Variants in ABHD10 observed in about 807,000 individuals in gnomAD.
ABHD10 encodes the protein palmitoyl-protein thioesterase ABHD10, mitochondrial.
In ABHD10, 22 loss-of-function variants were observed where a neutral mutation model predicts 33.1. That is an observed-to-expected ratio of 0.66 (90% CI 0.47 to 0.95). The LOEUF (loss-of-function observed/expected upper bound fraction) is 0.95, where lower values mean the gene tolerates loss of function less well. ABHD10 is among the 40% of genes least tolerant of loss of function. ABHD10 has a pLI of 0.00. For synonymous variants in ABHD10, 146 were observed against 133.9 expected (o/e 1.09, Z -0.62); for missense variants, 352 against 379.9 (o/e 0.93, Z 0.61).
In ABHD10 at chr3:111,988,152, T is replaced by C. The variant is rs574021426; in HGVS notation, c.576+1101T>C. On this transcript the variant is annotated intron_variant, in intron 4 of 4. Transcript: ENST00000273359. ...TGCAGTGTTGAATAGTAGAATGTCA[T>C]TGATTTGCCTCAAGTTCTGCATTAA... Among the ~76,000 whole-genome samples, 11 of 152,332 alleles carry C rather than the reference T, an allele frequency of 7.2e-5. No individual in the cohort carries two copies. In the East Asian group the frequency reaches 2.1e-3, roughly 29 times the overall value.
In ABHD10 at chr3:111,992,748, A is replaced by T. The variant is rs747435700; in HGVS notation, c.*1027A>T. ...TGACTCATATATATACATGTGTATA[A>T]GATGAGCATGTGTCGAAGACTTATT... On this transcript the variant is annotated 3_prime_UTR_variant, in exon 5 of 5. Transcript: ENST00000273359. 4 of 152,220 alleles carry T rather than the reference A, an allele frequency of 2.6e-5. No homozygotes were observed. The highest frequency in any genetic ancestry group is 2.9e-5 in the Non-Finnish European group (2 of 68,038). 9.4% of individuals were successfully genotyped at this position (152,220 alleles called of 1,614,324 possible).
chr3:111,989,332 A>T (rs2072713040), intron 4 of ABHD10, among the ~76,000 whole-genome samples: 1 of 152,202 alleles, frequency 6.6e-6, no homozygotes, highest in South Asian at 2.1e-4. Flanking sequence ...CATTGCCTTG[A>T]TAAGTTTTGT....
Position 111,991,390 on chromosome 3 carries a change from T to C in ABHD10, c.590T>C (p.Val197Ala), listed in dbSNP as rs1217738394. ...NQLPVELKKE[V>A]EMKGVWSMPS... ...TTTTTCCAATAGCTAAAAAAGGAAG[T>C]AGAGATGAAAGGTGTGTGGAGCATG... Residue 197 changes from valine to alanine, a missense_variant, in exon 5 of 5, where the codon GTA (valine) becomes GCA (alanine). By Grantham distance (64) the Val-to-Ala change is moderately conservative (BLOSUM62 0). Transcript: ENST00000273359. The C allele has an allele frequency of 1.9e-6, 3 of 1,600,410 alleles. No individual in the cohort carries two copies. The highest frequency in any genetic ancestry group is 1.1e-5 in the South Asian group (1 of 87,556).
In ABHD10 at chr3:111,979,035, C is replaced by T. The variant is rs1244985029; in HGVS notation, c.-27C>T. The T allele has an allele frequency of 1.2e-6, 2 of 1,606,422 alleles. No homozygotes were observed. Among genetic ancestry groups the T allele is most frequent in the African/African-American group, 2.7e-5 (2 of 74,852 alleles). Reference sequence around the variant, plus strand: ...GCGTAGCGTGTCCCTCAGTGGGACACTGCAGGGTGCGGGGACAACTACGAA... The same window carrying T: ...GCGTAGCGTGTCCCTCAGTGGGACATTGCAGGGTGCGGGGACAACTACGAA... On this transcript the variant is annotated 5_prime_UTR_variant, in exon 1 of 5. Transcript: ENST00000273359.
At chr3:111,984,645 C>CA (rs1218282666) in intron 2 of ABHD10, among the ~76,000 whole-genome samples, 1 of 151,644 alleles carries the variant, frequency 6.6e-6, no homozygotes, top group Non-Finnish European at 1.5e-5. Context: ...TATAATGGTT[C>CA]AAAAAAACAG....
chr3:111,991,072 A>G (rs17428962), intron 4 of ABHD10, among the ~76,000 whole-genome samples: 1,980 of 152,318 alleles, frequency 0.013, 15 homozygotes, highest in Middle Eastern at 0.037. Flanking sequence ...AGTCTTAGCC[A>G]TAACAGTTAG....
In ABHD10 at chr3:111,979,323, C is replaced by G. The variant is rs61321652; in HGVS notation, c.142+120C>G. The stretch of plus-strand genomic sequence containing the variant: ...TTCAAAAATGCTCCTCCCCCTTTCT[C>G]AACACCCCAGTTCTAGGCGCTTTGT... On this transcript the variant is annotated intron_variant, in intron 1 of 4. Transcript: ENST00000273359. 1,132 of 1,203,900 alleles carry G rather than the reference C, an allele frequency of 9.4e-4. 18 individuals are homozygous for G. In the East Asian group the frequency reaches 0.028, roughly 30 times the overall value. The allele number at this position is 1,203,900 out of a possible 1,614,324, so 74.6% of individuals were successfully genotyped here.
rs76665874 is a variant in ABHD10 at position 111,984,287 on chromosome 3, G to T, written c.327-1977G>T. On this transcript the variant is annotated intron_variant, in intron 2 of 4. Coordinates refer to ENST00000273359, the MANE Select transcript of ABHD10 (RefSeq NM_018394.4). ...AAAATCGTTTCACTTCAAACCTAAA[G>T]AAAAATTTAATTTCTTCTCTCCCCT... Among the ~76,000 whole-genome samples the T allele has an allele frequency of 2.4e-3, 361 of 152,150 alleles. 2 individuals carry two copies. Among genetic ancestry groups the T allele is most frequent in the African/African-American group, 7.9e-3 (326 of 41,522 alleles).
intron 4 of ABHD10, 111 bp downstream of exon 4, chr3:111,987,162 C>T: frequency 1.6e-6 from 2 of 1,239,404 alleles, no homozygotes; most frequent in Non-Finnish European, 2.2e-6. Context: ...CTTTGACTTA[C>T]TGTGCTGGCC....
At chr3:111,983,815 A>G (rs1428092119) in intron 2 of ABHD10, among the ~76,000 whole-genome samples, 2 of 152,162 alleles carry the variant, frequency 1.3e-5, no homozygotes, top group African/African-American at 4.8e-5. Context: ...TTCTCTCATA[A>G]TTATTTGTAA....
At chr3:111,983,037 T>C (rs1242999772) in intron 2 of ABHD10, among the ~76,000 whole-genome samples, 2 of 152,146 alleles carry the variant, frequency 1.3e-5, no homozygotes, top group African/African-American at 4.8e-5. Flanking sequence ...TGCTGCATAA[T>C]AACAAAGAAT....
chr3:111,979,070 TGC>T lies in ABHD10; in HGVS notation c.14_15del (p.Arg5LeufsTer45). 6.2e-7 allele frequency: 1 copy of T among 1,613,136 alleles called. No individual in the cohort carries two copies. MAV[A>X]RLAAVAAWVP... ...CGGGGACAACTACGAAGATGGCGGT[TGC>T]GCGCTTGGCAGCTGTGGCGGCCTGG... On this transcript the variant is annotated frameshift_variant, in exon 1 of 5. Coordinates refer to ENST00000273359, the MANE Select transcript of ABHD10 (RefSeq NM_018394.4). LOFTEE classifies it high-confidence loss of function.
chr3:111,981,311 CAAAAAAAAAAAAA>C (rs11301143), intron 1 of ABHD10, among the ~76,000 whole-genome samples: 1 of 91,220 alleles, frequency 1.1e-5, no homozygotes, highest in Non-Finnish European at 2.1e-5. Flanking sequence ...GACCCTGTCT[CAAAAAAAAAAAAA>C]AAAAAAAAAG....
intron 4 of ABHD10, among the ~76,000 whole-genome samples, chr3:111,988,205 A>T (rs900523448): frequency 2.0e-5 from 3 of 152,232 alleles, no homozygotes; most frequent in Non-Finnish European, 4.4e-5. Flanking sequence ...AACTAAGTTC[A>T]TTCTTAGTTC....
intron 1 of ABHD10, among the ~76,000 whole-genome samples, chr3:111,980,221 AT>A (rs533677325): frequency 2.0e-5 from 3 of 152,066 alleles, no homozygotes; most frequent in South Asian, 4.1e-4. Context: ...GATAGTGAGA[AT>A]TTTTTTTAGT....
intron 4 of ABHD10, among the ~76,000 whole-genome samples, 181 bp downstream of exon 4, chr3:111,987,232 C>CAT (rs2072679795): frequency 6.6e-6 from 1 of 152,208 alleles, no homozygotes; most frequent in Admixed American, 6.5e-5. Context: ...AACTATTTGT[C>CAT]ATCTTGTTTA....
Position 111,981,919 on chromosome 3 carries a change from C to T in ABHD10, c.278C>T (p.Ala93Val), listed in dbSNP as rs372846601. The change falls in exon 2 of 5, where the codon GCG becomes GTG. Residue 93 changes from alanine (A) to valine (V), a missense_variant. Physicochemically the swap from Ala to Val is moderately conservative, Grantham distance 64 (BLOSUM62 0). Coordinates refer to ENST00000273359, the MANE Select transcript of ABHD10 (RefSeq NM_018394.4). Reference sequence around the variant, plus strand: ...CTTTCTTATATGAATGGTACAAAAGCGTTGGCGATTGAGGAGTTTTGCAAA... The same window carrying T: ...CTTTCTTATATGAATGGTACAAAAGTGTTGGCGATTGAGGAGTTTTGCAAA... ...GYLSYMNGTK[A>V]LAIEEFCKSL... 34 of 1,587,034 alleles carry T rather than the reference C, an allele frequency of 2.1e-5. No individual in the cohort carries two copies. Among genetic ancestry groups the T allele is most frequent in the African/African-American group, 6.7e-5 (5 of 74,772 alleles).
At chr3:111,980,234 C>A (rs1246490414) in intron 1 of ABHD10, among the ~76,000 whole-genome samples, 1 of 152,020 alleles carries the variant, frequency 6.6e-6, no homozygotes, top group Non-Finnish European at 1.5e-5. Flanking sequence ...TTTTTTAGTG[C>A]TCAGCTGAGT....
At position 111,991,991 on chromosome 3, in the gene ABHD10, T is replaced by C. The variant is rs2072746213; in HGVS notation, c.*270T>C. On this transcript the variant is annotated 3_prime_UTR_variant, in exon 5 of 5. Coordinates refer to ENST00000273359, the MANE Select transcript of ABHD10 (RefSeq NM_018394.4). ...ATTCAAGAAAAGTTTACCTTTCTTA[T>C]GCTTATGTTAGCTATGCCAGCTCTT... is the stretch of plus-strand genomic sequence containing the variant. 3.4e-6 allele frequency: 1 copy of C among 297,838 alleles called. No individual in the cohort carries two copies. The highest frequency in any genetic ancestry group is 6.1e-6 in the Non-Finnish European group (1 of 163,834). The allele number at this position is 297,838 out of a possible 1,614,324, so 18.4% of individuals were successfully genotyped here.
Sources: allele counts gnomAD v4.1 joint callset (sites outside exome capture counted in the v4.1 genomes callset), GRCh38; gene constraint gnomAD v4.1.1; transcripts MANE v1.5; gene names NCBI Gene and HGNC (gene_info 2026-07-23, HGNC 2026-07-21).